The following VAT1L variants were observed in gnomAD, a reference collection of about 807,000 sequenced individuals.
VAT1L encodes the protein vesicle amine transport 1 like.
In VAT1L, 34 loss-of-function variants were observed where a neutral mutation model predicts 44.1. That is an observed-to-expected ratio of 0.77 (90% confidence interval 0.59 to 1.03). The LOEUF (loss-of-function observed/expected upper bound fraction) is 1.03. Among genes scored for constraint, VAT1L ranks in the 50% least tolerant of loss-of-function variants. VAT1L has a pLI of 0.00. For synonymous variants in VAT1L, 253 were observed against 202.2 expected (o/e 1.25, Z -2.13); for missense variants, 615 against 538.8 (o/e 1.14, Z -1.40).
intron 3 of VAT1L, among the ~76,000 whole-genome samples, chr16:77,848,953 C>T (rs569522497): frequency 3.5e-4 from 54 of 152,278 alleles, no homozygotes; most frequent in African/African-American, 1.3e-3. Flanking sequence ...GAAAACCAAA[C>T]ACCACATGTT....
intron 7 of VAT1L, among the ~76,000 whole-genome samples, chr16:77,914,276 C>G (rs555895907): frequency 2.6e-5 from 4 of 152,262 alleles, no homozygotes; most frequent in African/African-American, 9.6e-5. Flanking sequence ...TAACTTACAA[C>G]TTTTTAGTTA....
intron 7 of VAT1L, among the ~76,000 whole-genome samples, chr16:77,932,797 T>C (rs1302103576): frequency 1.3e-5 from 2 of 152,100 alleles, no homozygotes; most frequent in African/African-American, 4.8e-5. Context: ...ACCTGCATTC[T>C]TGCCTGCCTC....
chr16:77,946,971 T>C (rs1022355519), intron 7 of VAT1L, among the ~76,000 whole-genome samples: 11 of 152,190 alleles, frequency 7.2e-5, no homozygotes, highest in Non-Finnish European at 4.4e-5. Flanking sequence ...CTTACTTTAA[T>C]TCCCTGTCTG....
At chr16:77,855,145 G>T (rs1000285259) in intron 3 of VAT1L, among the ~76,000 whole-genome samples, 2 of 152,010 alleles carry the variant, frequency 1.3e-5, no homozygotes, top group African/African-American at 2.4e-5. Flanking sequence ...TTTGAGATCA[G>T]CCTGGCCAAT....
chr16:77,792,599 G>A (rs2015854591), intron 1 of VAT1L, among the ~76,000 whole-genome samples: 1 of 152,002 alleles, frequency 6.6e-6, no homozygotes, highest in African/African-American at 2.4e-5. Context: ...GGGACATTGA[G>A]CCTCTCAAGC....
intron 1 of VAT1L, among the ~76,000 whole-genome samples, chr16:77,804,269 A>G (rs951733497): frequency 6.6e-6 from 1 of 152,188 alleles, no homozygotes; most frequent in African/African-American, 2.4e-5. Flanking sequence ...CTTAGGAATA[A>G]ATACCTCCTG....
chr16:77,838,203 C>T (rs908135150), intron 3 of VAT1L, among the ~76,000 whole-genome samples: 1 of 152,156 alleles, frequency 6.6e-6, no homozygotes, highest in Non-Finnish European at 1.5e-5. Context: ...TACTCTTGGC[C>T]GGGTTTATAT....
At chr16:77,815,788 C>T (rs12925713) in intron 1 of VAT1L, among the ~76,000 whole-genome samples, 5 of 149,638 alleles carry the variant, frequency 3.3e-5, no homozygotes, top group South Asian at 2.1e-4. Context: ...GCCAACATGG[C>T]GAAACCCCAT....
chr16:77,881,354 G>A (rs2017153362), intron 6 of VAT1L, among the ~76,000 whole-genome samples: 1 of 152,098 alleles, frequency 6.6e-6, no homozygotes. Context: ...GGGCCTTTTT[G>A]GTTCTTATAT....
intron 7 of VAT1L, among the ~76,000 whole-genome samples, chr16:77,904,184 CTT>C (rs59219677): frequency 0.044 from 5,960 of 135,328 alleles, 201 homozygotes; most frequent in South Asian, 0.16. Context: ...TACTGATTTG[CTT>C]TTTTTTTTTT....
rs1009823145 is a variant in VAT1L at position 77,887,783 on chromosome 16, C to T, written c.1077+2981C>T. 2.0e-5 allele frequency among the ~76,000 whole-genome samples: 3 copies of T among 152,334 alleles called. No individual in the cohort carries two copies. In the East Asian group the frequency reaches 5.8e-4, roughly 29 times the overall value. On this transcript the variant is annotated intron_variant, in intron 7 of 8. Transcript: ENST00000302536. Reference sequence around the variant, plus strand: ...TGAACATACTTCTTCCATCTTTATTCTTAGCACTGTCGTCTAAGCTGGGTG... The same window carrying T: ...TGAACATACTTCTTCCATCTTTATTTTTAGCACTGTCGTCTAAGCTGGGTG...
intron 7 of VAT1L, among the ~76,000 whole-genome samples, chr16:77,946,279 C>CTTTATTTT (rs2017963568): frequency 1.4e-5 from 1 of 70,428 alleles, no homozygotes; most frequent in African/African-American, 5.3e-5. Flanking sequence ...GTTACTTGTT[C>CTTTATTTT]TTTTTTTTTT....
intron 1 of VAT1L, among the ~76,000 whole-genome samples, chr16:77,807,787 G>A (rs1447876983): frequency 6.6e-6 from 1 of 152,104 alleles, no homozygotes; most frequent in Non-Finnish European, 1.5e-5. Context: ...AGGTGGTTGT[G>A]TTACTATCCC....
intron 4 of VAT1L, among the ~76,000 whole-genome samples, chr16:77,873,645 A>C (rs568153341): frequency 3.9e-5 from 6 of 152,334 alleles, no homozygotes; most frequent in African/African-American, 9.6e-5. Context: ...AAATAATTAC[A>C]ACCTATGATA....
intron 7 of VAT1L, among the ~76,000 whole-genome samples, chr16:77,914,482 A>T (rs1282921335): frequency 2.6e-5 from 4 of 152,248 alleles, no homozygotes; most frequent in Non-Finnish European, 5.9e-5. Context: ...TCCGGGCTTG[A>T]TTTATCACTT....
chr16:77,963,968 C>G lies in VAT1L; in HGVS notation c.1078-7882C>G, dbSNP rs533723748. Among the ~76,000 whole-genome samples, 6 of 152,236 alleles carry G rather than the reference C, an allele frequency of 3.9e-5. No homozygotes were observed. The South Asian group carries it at 1.2e-3, about 32-fold the overall frequency. ...GGGCCTTCCGTGGTGCAAATAGTGG[C>G]TGGTTAGGGACTTCAAGATCTGCCA... On this transcript the variant is annotated intron_variant, in intron 7 of 8. Coordinates refer to ENST00000302536, the MANE Select transcript of VAT1L (RefSeq NM_020927.3).
At chr16:77,806,101 G>T (rs549344400) in intron 1 of VAT1L, among the ~76,000 whole-genome samples, 1 of 151,934 alleles carries the variant, frequency 6.6e-6, no homozygotes, top group African/African-American at 2.4e-5. Flanking sequence ...GACATCAGGT[G>T]ATCTGCCTGC....
intron 3 of VAT1L, among the ~76,000 whole-genome samples, chr16:77,841,147 C>T (rs954380405): frequency 7.2e-5 from 11 of 152,170 alleles, no homozygotes; most frequent in Non-Finnish European, 1.2e-4. Context: ...GTAGTGCAAT[C>T]GGGGCTCACT....
At chr16:77,946,125 T>TCACATTGTA (rs2017959507) in intron 7 of VAT1L, among the ~76,000 whole-genome samples, 3 of 151,660 alleles carry the variant, frequency 2.0e-5, no homozygotes, top group Admixed American at 2.0e-4. Context: ...TTAGACATTA[T>TCACATTGTA]CACATTGTAC....
Sources: allele counts gnomAD v4.1 joint callset (sites outside exome capture counted in the v4.1 genomes callset), GRCh38; gene constraint gnomAD v4.1.1; transcripts MANE v1.5; gene names NCBI Gene and HGNC (gene_info 2026-07-23, HGNC 2026-07-21).